MAP3K5: variants seen among roughly 807,000 people sequenced by gnomAD.
MAP3K5 encodes mitogen-activated protein kinase kinase kinase 5.
Under a neutral mutation model 158.7 loss-of-function variants are expected in MAP3K5, and 56 were observed. That is an observed-to-expected ratio of 0.35 (90% CI 0.28 to 0.44). The LOEUF is 0.44. MAP3K5 is among the 20% of genes least tolerant of loss of function. The pLI is 1.00. For synonymous variants in MAP3K5, 579 were observed against 601.7 expected, an observed-to-expected ratio of 0.96 and a Z score of 0.55; for missense variants, 1,294 against 1,674.8, an observed-to-expected ratio of 0.77 and a Z score of 3.97.
intron 23 of MAP3K5, among the ~76,000 whole-genome samples, chr6:136,585,099 C>A (rs28458825): frequency 2.7e-5 from 4 of 148,816 alleles, no homozygotes; most frequent in Non-Finnish European, 4.5e-5. Flanking sequence ...ATGATTTTTT[C>A]TTTTTGTTTT....
At chr6:136,712,660 A>C (rs1781358356) in intron 2 of MAP3K5, among the ~76,000 whole-genome samples, 1 of 152,246 alleles carries the variant, frequency 6.6e-6, no homozygotes, top group Non-Finnish European at 1.5e-5. Context: ...CATACTTTAC[A>C]CATTGATATG....
chr6:136,677,132 A>G (rs865790868), intron 7 of MAP3K5, among the ~76,000 whole-genome samples: 1 of 93,366 alleles, frequency 1.1e-5, no homozygotes, highest in Non-Finnish European at 2.0e-5. Flanking sequence ...GATGATATCC[A>G]TTTTTTTTTT....
At chr6:136,735,633 C>A (rs1035176945) in intron 1 of MAP3K5, among the ~76,000 whole-genome samples, 2 of 152,004 alleles carry the variant, frequency 1.3e-5, no homozygotes, top group Non-Finnish European at 2.9e-5. Context: ...AGTTTGAGAC[C>A]AGCCTGAGCA....
intron 19 of MAP3K5, among the ~76,000 whole-genome samples, chr6:136,603,634 A>G (rs1775978131): frequency 6.6e-6 from 1 of 152,194 alleles, no homozygotes; most frequent in South Asian, 2.1e-4. Context: ...CATCTCTCTA[A>G]GATAGCAACT....
At chr6:136,603,518 C>A (rs1468644871) in intron 19 of MAP3K5, among the ~76,000 whole-genome samples, 12 of 151,920 alleles carry the variant, frequency 7.9e-5, no homozygotes. Context: ...GATGAGGAAA[C>A]TGAGGCACAA....
chr6:136,714,523 T>C (rs1781441427), intron 2 of MAP3K5, among the ~76,000 whole-genome samples: 1 of 152,188 alleles, frequency 6.6e-6, no homozygotes, highest in Admixed American at 6.6e-5. Flanking sequence ...TGTTGTACCA[T>C]ATGTCAAAAT....
chr6:136,732,400 G>A (rs1462335331), intron 1 of MAP3K5, among the ~76,000 whole-genome samples: 3 of 152,174 alleles, frequency 2.0e-5, no homozygotes, highest in Non-Finnish European at 4.4e-5. Flanking sequence ...ACTCCAGCCT[G>A]GGTGACAGAG....
At chr6:136,738,283 G>A (rs891044710) in intron 1 of MAP3K5, among the ~76,000 whole-genome samples, 5 of 152,054 alleles carry the variant, frequency 3.3e-5, no homozygotes, top group Non-Finnish European at 7.4e-5. Flanking sequence ...CTACTTCCCT[G>A]GTCCAAGGGG....
intron 1 of MAP3K5, among the ~76,000 whole-genome samples, chr6:136,751,932 G>A (rs970106070): frequency 5.9e-5 from 9 of 152,208 alleles, no homozygotes; most frequent in African/African-American, 1.9e-4. Context: ...AGTGACCACA[G>A]TAATCAGTTG....
intron 11 of MAP3K5, among the ~76,000 whole-genome samples, chr6:136,644,034 G>C (rs1053323315): frequency 2.0e-5 from 3 of 152,188 alleles, no homozygotes; most frequent in Non-Finnish European, 4.4e-5. Flanking sequence ...GAGGTGGGAG[G>C]CAAGTGCAGA....
chr6:136,594,735 A>G (rs1208041696), intron 21 of MAP3K5, among the ~76,000 whole-genome samples: 1 of 152,164 alleles, frequency 6.6e-6, no homozygotes, highest in East Asian at 1.9e-4. Flanking sequence ...TCTTGGGAGT[A>G]AAGAGACTAG....
chr6:136,763,540 A>G (rs906742826), intron 1 of MAP3K5, among the ~76,000 whole-genome samples: 1 of 152,196 alleles, frequency 6.6e-6, no homozygotes, highest in East Asian at 1.9e-4. Flanking sequence ...AGAGGGAAAA[A>G]AAAGTTTTCA....
At chr6:136,785,308 A>G (rs1336805739) in intron 1 of MAP3K5, among the ~76,000 whole-genome samples, 1 of 152,262 alleles carries the variant, frequency 6.6e-6, no homozygotes, top group Non-Finnish European at 1.5e-5. Context: ...GACTTTTGTC[A>G]CAAGCTCAAG....
rs372018095 is a variant in MAP3K5 at position 136,644,505 on chromosome 6, G to C, written c.1789-1936C>G. On this transcript the variant is annotated intron_variant, in intron 11 of 29. Coordinates refer to ENST00000359015, the MANE Select transcript of MAP3K5 (RefSeq NM_005923.4). Reference sequence around the variant, plus strand: ...AGCACAAGCACCATTTTCTAGGAACGGGTTAGCCTCAGATCCCAGGCCCCA... The same window carrying C: ...AGCACAAGCACCATTTTCTAGGAACCGGTTAGCCTCAGATCCCAGGCCCCA... 5.3e-5 allele frequency among the ~76,000 whole-genome samples: 8 copies of C among 152,180 alleles called. No individual in the cohort carries two copies. The East Asian group carries it at 7.7e-4, about 15-fold the overall frequency.
At chr6:136,616,479 A>G (rs1776570571) in intron 15 of MAP3K5, among the ~76,000 whole-genome samples, 1 of 151,082 alleles carries the variant, frequency 6.6e-6, no homozygotes, top group Admixed American at 6.6e-5. Context: ...TAATTTTTGC[A>G]TTTTTAGTAG....
At chr6:136,574,048 G>A (rs1774488190) in intron 25 of MAP3K5, among the ~76,000 whole-genome samples, 2 of 151,236 alleles carry the variant, frequency 1.3e-5, no homozygotes. Context: ...CTTCTGCTTC[G>A]GCCTCCTGAG....
At chr6:136,759,454 CTATATATATATATATA>C (rs570186848) in intron 1 of MAP3K5, among the ~76,000 whole-genome samples, 6 of 98,116 alleles carry the variant, frequency 6.1e-5, no homozygotes, top group East Asian at 6.5e-4. Context: ...TATACTAAAA[CTATATATATATATATA>C]TATATATATA....
chr6:136,700,097 AAAG>A (rs1266800410), intron 3 of MAP3K5, among the ~76,000 whole-genome samples: 1 of 152,118 alleles, frequency 6.6e-6, no homozygotes, highest in African/African-American at 2.4e-5. Context: ...TGAACAAATG[AAAG>A]AAGGAGAAAG....
chr6:136,785,947 A>G (rs1416361330), intron 1 of MAP3K5, among the ~76,000 whole-genome samples: 1 of 152,236 alleles, frequency 6.6e-6, no homozygotes, highest in Non-Finnish European at 1.5e-5. Flanking sequence ...CACCATGTGC[A>G]ATACTGTTTC....
Sources: gnomAD v4.1 joint callset for allele counts (sites outside exome capture counted in the v4.1 genomes callset) on GRCh38, gnomAD v4.1.1 for gene constraint, MANE v1.5 for transcripts, NCBI Gene and HGNC (gene_info 2026-07-23, HGNC 2026-07-21) for gene names.